PALM2AKAP2: variants seen among roughly 807,000 people sequenced by gnomAD.
PALM2AKAP2 encodes the protein PALM2-AKAP2 fusion protein.
In PALM2AKAP2, 37 loss-of-function variants were observed where a neutral mutation model predicts 71.5. The observed-to-expected ratio is 0.52, with a 90% CI of 0.40 to 0.68. PALM2AKAP2 has a LOEUF of 0.68. PALM2AKAP2 is among the 30% of genes least tolerant of loss of function. The pLI, the probability that PALM2AKAP2 is intolerant of heterozygous loss-of-function variation, is 0.00. For missense variants in PALM2AKAP2, 1,224 were observed against 1,191.8 expected, an observed-to-expected ratio of 1.03 and a Z score of -0.40; for synonymous variants, 468 against 478.8, an observed-to-expected ratio of 0.98 and a Z score of 0.29.
chr9:109,814,830 G>T (rs1827812364), intron 1 of PALM2AKAP2, among the ~76,000 whole-genome samples: 1 of 152,194 alleles, frequency 6.6e-6, no homozygotes. Context: ...TTGAGATAAT[G>T]GTGAGAATGG....
At chr9:109,693,210 T>C (rs1163486013) in intron 1 of PALM2AKAP2, among the ~76,000 whole-genome samples, 3 of 151,908 alleles carry the variant, frequency 2.0e-5, no homozygotes, top group African/African-American at 7.2e-5. Context: ...TTTTGGTGGT[T>C]TATATCTTTA....
intron 1 of PALM2AKAP2, among the ~76,000 whole-genome samples, chr9:109,811,310 GGGTATGATGAT>G (rs1827719914): frequency 6.6e-6 from 1 of 152,252 alleles, no homozygotes; most frequent in Admixed American, 6.5e-5. Context: ...TGTGGACTGT[GGGTATGATGAT>G]GGTTATTGAT....
intron 6 of PALM2AKAP2, among the ~76,000 whole-genome samples, chr9:110,011,008 A>T (rs1295856833): frequency 1.9e-3 from 178 of 91,582 alleles, no homozygotes; most frequent in African/African-American, 0.011. Context: ...AAAAAAAAAA[A>T]AAAAAAATAT....
At chr9:109,651,965 A>G (rs1827231574) in intron 1 of PALM2AKAP2, among the ~76,000 whole-genome samples, 1 of 152,158 alleles carries the variant, frequency 6.6e-6, no homozygotes, top group Non-Finnish European at 1.5e-5. Flanking sequence ...ATAGTATTTG[A>G]TGTGCTATTT....
chr9:109,747,064 GA>G (rs1159152172), intron 1 of PALM2AKAP2, among the ~76,000 whole-genome samples: 1 of 152,220 alleles, frequency 6.6e-6, no homozygotes, highest in Non-Finnish European at 1.5e-5. Flanking sequence ...CCATATTGTG[GA>G]GGGCCATGAA....
intron 1 of PALM2AKAP2, among the ~76,000 whole-genome samples, chr9:109,766,801 A>G (rs1829162174): frequency 6.6e-6 from 1 of 152,196 alleles, no homozygotes; most frequent in African/African-American, 2.4e-5. Context: ...TGTAGATATT[A>G]TTGTCCTCAG....
At chr9:109,972,259 G>C (rs1433233223) in intron 6 of PALM2AKAP2, among the ~76,000 whole-genome samples, 3 of 152,144 alleles carry the variant, frequency 2.0e-5, no homozygotes, top group African/African-American at 7.2e-5. Context: ...GCCTAACATA[G>C]GTGTGGATCA....
chr9:109,776,368 C>A (rs1829348624), upstream of PALM2AKAP2, among the ~76,000 whole-genome samples: 1 of 152,112 alleles, frequency 6.6e-6, no homozygotes, highest in South Asian at 2.1e-4. Context: ...TGGTCCCAAG[C>A]AACAGAAATA....
Position 109,971,282 on chromosome 9 carries a change from C to CTTTT in PALM2AKAP2, c.496+39254_496+39255insTTTT, listed in dbSNP as rs1304200183. Among the ~76,000 whole-genome samples the CTTTT allele has an allele frequency of 7.7e-4, 78 of 100,746 alleles. 2 individuals are homozygous for CTTTT. The East Asian group carries it at 0.012, about 16-fold the overall frequency. The allele number at this position is 100,746 out of a possible 152,430, so 66.1% of individuals were successfully genotyped here. Reference sequence around the variant, plus strand: ...TTCCATGTTTATCCCACTCTTAGTCCCTTTTTTTTTTTTTTTTTTTTTTTT... The same window carrying CTTTT: ...TTCCATGTTTATCCCACTCTTAGTCCTTTTCTTTTTTTTTTTTTTTTTTTTTTTT... On this transcript the variant is annotated intron_variant, in intron 6 of 9. Coordinates refer to the PALM2AKAP2 transcript ENST00000302798.
chr9:109,942,126 A>G (rs1349233115), intron 6 of PALM2AKAP2, among the ~76,000 whole-genome samples: 1 of 152,242 alleles, frequency 6.6e-6, no homozygotes, highest in African/African-American at 2.4e-5. Context: ...AAGTACTCAC[A>G]GGGCACATAA....
chr9:110,135,056 C>T (rs1835816728), intron 1 of PALM2AKAP2, among the ~76,000 whole-genome samples: 3 of 147,938 alleles, frequency 2.0e-5, no homozygotes, highest in South Asian at 2.2e-4. Context: ...TGGCTCATGT[C>T]TGTAATCCCA....
chr9:109,841,449 G>A (rs1282116553), intron 1 of PALM2AKAP2, among the ~76,000 whole-genome samples: 2 of 131,066 alleles, frequency 1.5e-5, no homozygotes, highest in Non-Finnish European at 3.1e-5. Flanking sequence ...ACACCAACAT[G>A]GCACATGTAT....
At chr9:109,942,984 G>A in intron 6 of PALM2AKAP2, 1 of 1,614,166 alleles carries the variant, frequency 6.2e-7, no homozygotes, top group African/African-American at 1.3e-5. Flanking sequence ...GCCATCCCAA[G>A]GAACACATGC....
At chr9:109,857,951 A>G (rs1829211168) in intron 1 of PALM2AKAP2, among the ~76,000 whole-genome samples, 1 of 152,200 alleles carries the variant, frequency 6.6e-6, no homozygotes, top group African/African-American at 2.4e-5. Context: ...CCACTACACA[A>G]CTGAATTGTT....
intron 1 of PALM2AKAP2, chr9:110,125,400 C>A: frequency 2.8e-6 from 2 of 726,876 alleles, no homozygotes; most frequent in Non-Finnish European, 3.4e-6. Flanking sequence ...GGGGCCAGGC[C>A]TCTCCGAAGG....
intron 2 of PALM2AKAP2, among the ~76,000 whole-genome samples, chr9:109,871,056 G>A (rs1393052388): frequency 1.3e-5 from 2 of 152,112 alleles, no homozygotes; most frequent in South Asian, 2.1e-4. Context: ...TTATCAGATA[G>A]CCTGTGGACA....
At chr9:109,991,801 CA>C (rs1397638075) in intron 6 of PALM2AKAP2, among the ~76,000 whole-genome samples, 1 of 152,120 alleles carries the variant, frequency 6.6e-6, no homozygotes, top group Non-Finnish European at 1.5e-5. Flanking sequence ...GGAACATAAA[CA>C]AAGGGATGTC....
intron 1 of PALM2AKAP2, among the ~76,000 whole-genome samples, chr9:109,741,573 C>T (rs551807421): frequency 6.6e-6 from 1 of 152,324 alleles, no homozygotes; most frequent in East Asian, 1.9e-4. Context: ...TATGCTCCCA[C>T]CAGCAAAGTG....
At chr9:110,049,385 G>T (rs1467002848) in intron 1 of PALM2AKAP2, among the ~76,000 whole-genome samples, 2 of 152,042 alleles carry the variant, frequency 1.3e-5, no homozygotes, top group Admixed American at 6.5e-5. Context: ...GCCGGGCCCC[G>T]GCCCCGGTCC....
Sources: gnomAD v4.1 joint callset for allele counts (sites outside exome capture counted in the v4.1 genomes callset) on GRCh38, gnomAD v4.1.1 for gene constraint, MANE v1.5 for transcripts, NCBI Gene and HGNC (gene_info 2026-07-23, HGNC 2026-07-21) for gene names.